HIF3A: variants seen among roughly 807,000 people sequenced by gnomAD.
The protein encoded by HIF3A is hypoxia-inducible factor 3-alpha.
Under a neutral mutation model 67.2 loss-of-function variants are expected in HIF3A, and 41 were observed. The ratio of observed to expected loss-of-function variants is 0.61; its 90% CI spans 0.48 to 0.79. HIF3A has a LOEUF of 0.79. Ranked by LOEUF, HIF3A falls within the 30% of genes least tolerant of loss-of-function variation. The probability of loss-of-function intolerance (pLI) is 0.00; values close to 1 mark genes in which losing one functional copy is unlikely to be tolerated. For synonymous variants in HIF3A, 356 were observed against 374.8 expected, an observed-to-expected ratio of 0.95 and a Z score of 0.58; for missense variants, 855 against 898.0, an observed-to-expected ratio of 0.95 and a Z score of 0.61.
chr19:46,306,520 A>G (rs1335672978), intron 3 of HIF3A: 1 of 152,252 alleles, frequency 6.6e-6, no homozygotes, highest in African/African-American at 2.4e-5. Flanking sequence ...TGCAGAGGCC[A>G]TGCTAATCTT....
Position 46,297,148 on chromosome 19 carries a change from CTCCT to C in HIF3A, c.26+47_26+50del. 1 of 1,110,186 alleles carries C rather than the reference CTCCT, an allele frequency of 9.0e-7. No homozygotes were observed. Among genetic ancestry groups the C allele is most frequent in the Non-Finnish European group, 1.2e-6 (1 of 839,510 alleles). 68.8% of individuals were successfully genotyped at this position (1,110,186 alleles called of 1,614,324 possible). ...GAGTTCTGGGAATTGGGGGGCTCTCCTCCTGGAGACCCCTGAGCTGGATTGTTGG... is the reference window on the plus strand; with the variant it reads ...GAGTTCTGGGAATTGGGGGGCTCTCCGGAGACCCCTGAGCTGGATTGTTGG... On this transcript the variant is annotated intron_variant, in intron 1 of 14. Coordinates refer to ENST00000377670, the MANE Select transcript of HIF3A (RefSeq NM_152795.4). The surrounding 1 kb of genome is among the most constrained non-coding windows in gnomAD (Gnocchi z 4.5).
intron 8 of HIF3A, 115 bp from the exon 9 acceptor site, chr19:46,320,328 T>TC (rs1970263925): frequency 1.3e-6 from 1 of 749,512 alleles, no homozygotes; most frequent in Non-Finnish European, 2.3e-6. Flanking sequence ...CAAAATGCCC[T>TC]CCAAGCCCCT....
intron 8 of HIF3A, among the ~76,000 whole-genome samples, chr19:46,317,054 G>A (rs1037929806): frequency 3.3e-5 from 5 of 152,078 alleles, no homozygotes; most frequent in Non-Finnish European, 5.9e-5. Context: ...CCAAGTAGCT[G>A]GGACTATAGG....
intron 9 of HIF3A, 26 bp from the exon 10 acceptor site, chr19:46,321,750 C>T (rs560504404): frequency 8.2e-5 from 131 of 1,604,000 alleles, no homozygotes; most frequent in South Asian, 1.2e-4. Flanking sequence ...CAGCCCGTGT[C>T]CTCCCCATCT....
At chr19:46,315,645 GGCTGAT>G (rs1969855593) in intron 8 of HIF3A, among the ~76,000 whole-genome samples, 1 of 152,212 alleles carries the variant, frequency 6.6e-6, no homozygotes, top group Non-Finnish European at 1.5e-5. Context: ...TGGGCACAGT[GGCTGAT>G]GCCTGTAATC....
At chr19:46,338,802 C>G (rs1295210238) in intron 14 of HIF3A, among the ~76,000 whole-genome samples, 1 of 152,126 alleles carries the variant, frequency 6.6e-6, no homozygotes, top group Non-Finnish European at 1.5e-5. Flanking sequence ...GCATCTGACT[C>G]TGGACTCGGG....
At chr19:46,303,715 C>CA (rs1361056946) in intron 1 of HIF3A, 183 bp from the exon 2 acceptor site, 1 of 1,564,256 alleles carries the variant, frequency 6.4e-7, no homozygotes, top group Admixed American at 1.9e-5. Flanking sequence ...AAGGGCTCCA[C>CA]AGTGTAGCCC....
chr19:46,306,855 C>G (rs1427636784), intron 3 of HIF3A, among the ~76,000 whole-genome samples: 1 of 152,198 alleles, frequency 6.6e-6, no homozygotes, highest in Non-Finnish European at 1.5e-5. Context: ...CTCCCTCTTT[C>G]CCTATTCACC....
At chr19:46,322,325 G>A (rs1056352164) in intron 10 of HIF3A, among the ~76,000 whole-genome samples, 10 of 151,990 alleles carry the variant, frequency 6.6e-5, no homozygotes, top group African/African-American at 2.2e-4. Flanking sequence ...ATTCAATTCC[G>A]GCATCATCTA....
intron 11 of HIF3A, among the ~76,000 whole-genome samples, chr19:46,326,005 C>T (rs1970754604): frequency 6.6e-6 from 1 of 152,182 alleles, no homozygotes; most frequent in South Asian, 2.1e-4. Context: ...CTTAAAACAA[C>T]AACTATTTAT....
intron 1 of HIF3A, among the ~76,000 whole-genome samples, chr19:46,302,363 C>T (rs948954223): frequency 2.0e-5 from 3 of 152,132 alleles, no homozygotes; most frequent in Non-Finnish European, 4.4e-5. Context: ...ATCTCCTGAC[C>T]TCGTGATCCG....
intron 14 of HIF3A, among the ~76,000 whole-genome samples, chr19:46,335,595 G>T (rs1971552286): frequency 6.6e-6 from 1 of 152,032 alleles, no homozygotes; most frequent in African/African-American, 2.4e-5. Flanking sequence ...AATTGGCTGG[G>T]CATGGTGGTG....
chr19:46,312,881 A>ATTTTTTTTTTTTTTTTTTTTT (rs1568516507), intron 8 of HIF3A: 1 of 944,340 alleles, frequency 1.1e-6, no homozygotes, highest in African/African-American at 2.4e-5. Context: ...GTAGACTGTT[A>ATTTTTTTTTTTTTTTTTTTTT]ATTTTTTTTT....
intron 8 of HIF3A, among the ~76,000 whole-genome samples, chr19:46,319,099 T>A (rs574727427): frequency 1.3e-5 from 2 of 152,298 alleles, no homozygotes; most frequent in African/African-American, 4.8e-5. Flanking sequence ...GTGTCACACG[T>A]GCACATATTC....
chr19:46,329,516 C>T (rs372553225), intron 12 of HIF3A, 38 bp downstream of exon 12: 597 of 1,468,148 alleles, frequency 4.1e-4, no homozygotes, highest in Non-Finnish European at 5.1e-4. Flanking sequence ...AGGCAGCATC[C>T]CCTCACCCCG....
chr19:46,311,925 C>G (rs1446755080), intron 6 of HIF3A: 1 of 716,792 alleles, frequency 1.4e-6, no homozygotes, highest in African/African-American at 1.7e-5. Flanking sequence ...GTCCCTTTAG[C>G]CACGTAAGAG....
chr19:46,317,019 T>A (rs1969969169), intron 8 of HIF3A, among the ~76,000 whole-genome samples: 1 of 152,090 alleles, frequency 6.6e-6, no homozygotes, highest in Admixed American at 6.6e-5. Flanking sequence ...CAGGGCTCGC[T>A]GCAGCCCTGA....
At position 46,339,739 on chromosome 19, in the gene HIF3A, T is replaced by C. The variant is rs1971866881; in HGVS notation, c.*117T>C. Reference sequence around the variant, plus strand: ...AGGAGAGGGGCCCCTCTCTCCTCTATGTACCCCCTGCCCACCTCGGGCCTA... The same window carrying C: ...AGGAGAGGGGCCCCTCTCTCCTCTACGTACCCCCTGCCCACCTCGGGCCTA... On this transcript the variant is annotated 3_prime_UTR_variant, in exon 15 of 15. Coordinates refer to ENST00000377670, the MANE Select transcript of HIF3A (RefSeq NM_152795.4). 1.6e-6 allele frequency: 1 copy of C among 610,326 alleles called. No homozygotes were observed. The highest frequency in any genetic ancestry group is 2.7e-6 in the Non-Finnish European group (1 of 366,816). 37.8% of individuals were successfully genotyped at this position (610,326 alleles called of 1,614,324 possible). A position where few individuals can be genotyped will look rare whatever the true frequency, so the allele number is the denominator to read the frequency against.
Position 46,321,815 on chromosome 19 carries a change from C to G in HIF3A, c.1184C>G (p.Pro395Arg). The change falls in exon 10 of 15, where the codon CCT (proline) becomes CGT (arginine). Residue 395 changes from proline to arginine, a missense_variant. Around this residue, in one of 3 missense-constraint regions of HIF3A, gnomAD observed 638 missense variants for 660.5 expected, o/e 0.97. Transcript: ENST00000377670. ...GPRILAFLHP[P>R]SLSEAALAAD... Reference sequence around the variant, plus strand: ...CGGATCCTTGCCTTCCTGCACCCGCCTTCCCTGAGCGAGGCTGCCCTGGCC... The same window carrying G: ...CGGATCCTTGCCTTCCTGCACCCGCGTTCCCTGAGCGAGGCTGCCCTGGCC... 1.2e-6 allele frequency: 2 copies of G among 1,613,936 alleles called. No homozygotes were observed. Among genetic ancestry groups the G allele is most frequent in the Non-Finnish European group, 1.7e-6 (2 of 1,180,004 alleles).
Sources: gnomAD v4.1 joint callset for allele counts (sites outside exome capture counted in the v4.1 genomes callset) on GRCh38, gnomAD v4.1.1 for gene constraint, gnomAD v4.1.1 regional missense constraint, Gnocchi (gnomAD v3.1) non-coding constraint, MANE v1.5 for transcripts, NCBI Gene and HGNC (gene_info 2026-07-23, HGNC 2026-07-21) for gene names.